GALNT13: variants seen among roughly 807,000 people sequenced by gnomAD.
The protein encoded by GALNT13 is UDP-GalNAc:polypeptide N-acetylgalactosaminyltransferase 13.
GALNT13 carries 28 observed loss-of-function variants against 64.2 expected under a neutral mutation model. The ratio of observed to expected loss-of-function variants is 0.44; its 90% CI spans 0.32 to 0.60. GALNT13 has a LOEUF of 0.60. Ranked by LOEUF, GALNT13 falls within the 20% of genes least tolerant of loss-of-function variation. The pLI is 0.05. For synonymous variants in GALNT13, 214 were observed against 224.6 expected, an observed-to-expected ratio of 0.95 and a Z score of 0.42; for missense variants, 577 against 669.8, an observed-to-expected ratio of 0.86 and a Z score of 1.53.
the GALNT13 span, among the ~76,000 whole-genome samples, chr2:153,483,711 C>T: frequency 5.6e-3 from 855 of 152,220 alleles, 35 homozygotes; most frequent in East Asian, 0.088. Context: ...CCACCACGCC[C>T]GGCCCTGCCC....
At chr2:154,162,260 T>G (rs1269298821) in intron 4 of GALNT13, among the ~76,000 whole-genome samples, 1 of 152,238 alleles carries the variant, frequency 6.6e-6, no homozygotes, top group African/African-American at 2.4e-5. Flanking sequence ...GGGAAATATC[T>G]GTTTAACTGT....
intron 3 of GALNT13, among the ~76,000 whole-genome samples, chr2:154,027,912 T>C (rs1698082184): frequency 6.6e-6 from 1 of 152,166 alleles, no homozygotes; most frequent in African/African-American, 2.4e-5. Flanking sequence ...TATTATTACA[T>C]ATTGCACATC....
chr2:153,451,864 C>T, the GALNT13 span, among the ~76,000 whole-genome samples: 5 of 152,170 alleles, frequency 3.3e-5, no homozygotes, highest in East Asian at 5.8e-4. Context: ...TTGGCAGGCT[C>T]ATGAAGCAGC....
intron 9 of GALNT13, among the ~76,000 whole-genome samples, chr2:154,359,501 C>G (rs570654798): frequency 1.6e-4 from 25 of 152,034 alleles, no homozygotes; most frequent in Non-Finnish European, 3.5e-4. Context: ...ATTGAAAGAT[C>G]ATGAAAATGT....
chr2:153,584,167 G>A, the GALNT13 span, among the ~76,000 whole-genome samples: 2 of 152,142 alleles, frequency 1.3e-5, no homozygotes, highest in East Asian at 3.9e-4. Context: ...AGACCTTAGT[G>A]CATCAGTGGT....
intron 4 of GALNT13, among the ~76,000 whole-genome samples, chr2:154,145,100 C>CTATCTATCTATCTATA (rs796615512): frequency 1.1e-3 from 137 of 119,514 alleles, no homozygotes; most frequent in Middle Eastern, 4.5e-3. Flanking sequence ...ATCTATCTAT[C>CTATCTATCTATCTATA]TATATATATA....
At chr2:153,869,619 T>G (rs553468381), upstream of GALNT13, among the ~76,000 whole-genome samples, 1 of 152,322 alleles carries the variant, frequency 6.6e-6, no homozygotes, top group African/African-American at 2.4e-5. Flanking sequence ...TGATATCACT[T>G]GGTCCCATTA....
chr2:153,449,267 C>G, the GALNT13 span, among the ~76,000 whole-genome samples: 4 of 152,094 alleles, frequency 2.6e-5, no homozygotes, highest in Admixed American at 6.5e-5. Context: ...GAAGCCCAAA[C>G]CGAATACCAG....
chr2:153,349,077 G>A, the GALNT13 span, among the ~76,000 whole-genome samples: 1 of 152,168 alleles, frequency 6.6e-6, no homozygotes, highest in African/African-American at 2.4e-5. Context: ...AAGCTCCTAT[G>A]TCTTAGATTC....
the GALNT13 span, among the ~76,000 whole-genome samples, chr2:153,277,923 C>CTTTTTTTTTTTTTTTTTTA: frequency 1.3e-5 from 1 of 78,954 alleles, no homozygotes; most frequent in Non-Finnish European, 2.3e-5. Flanking sequence ...GTTTTCTTTT[C>CTTTTTTTTTTTTTTTTTTA]TTTCTTTTTT....
the GALNT13 span, among the ~76,000 whole-genome samples, chr2:153,689,116 T>C: frequency 6.7e-6 from 1 of 149,390 alleles, no homozygotes; most frequent in African/African-American, 2.5e-5. Context: ...CGTTAGTAGA[T>C]ATTGCTAAAC....
At chr2:153,897,549 A>G (rs1325788859) in intron 1 of GALNT13, among the ~76,000 whole-genome samples, 2 of 151,944 alleles carry the variant, frequency 1.3e-5, no homozygotes, top group Non-Finnish European at 2.9e-5. Context: ...ACTAGTTACT[A>G]TTTTCCCCAT....
chr2:153,215,112 T>C, the GALNT13 span, among the ~76,000 whole-genome samples: 2 of 152,230 alleles, frequency 1.3e-5, no homozygotes, highest in African/African-American at 4.8e-5. Context: ...TATTTAAAGT[T>C]TATTTATTTG....
At chr2:154,171,339 T>C (rs1053980640) in intron 4 of GALNT13, among the ~76,000 whole-genome samples, 12 of 152,118 alleles carry the variant, frequency 7.9e-5, no homozygotes, top group Non-Finnish European at 1.5e-4. Flanking sequence ...TTCTACCTAC[T>C]CCACCAGAAA....
chr2:153,384,644 A>G, the GALNT13 span, among the ~76,000 whole-genome samples: 2 of 152,090 alleles, frequency 1.3e-5, no homozygotes, highest in Non-Finnish European at 2.9e-5. Flanking sequence ...TGATTTTCAG[A>G]AGCAAGTCTT....
the GALNT13 span, among the ~76,000 whole-genome samples, chr2:153,609,575 C>T: frequency 9.8e-3 from 1,486 of 152,146 alleles, 23 homozygotes; most frequent in Middle Eastern, 0.024. Flanking sequence ...TCCTTTTGTC[C>T]CCAAATCCTT....
chr2:153,625,371 C>CA, the GALNT13 span, among the ~76,000 whole-genome samples: 1 of 152,092 alleles, frequency 6.6e-6, no homozygotes, highest in Non-Finnish European at 1.5e-5. Context: ...TACAAACAAA[C>CA]ACTTCTTTGA....
the GALNT13 span, chr2:153,478,235 G>T: frequency 6.2e-7 from 1 of 1,609,132 alleles, no homozygotes; most frequent in Non-Finnish European, 8.5e-7. Context: ...CAGAGGGCGG[G>T]TCAGTAGGGC....
chr2:154,311,602 T>C (rs1023265622), intron 9 of GALNT13, among the ~76,000 whole-genome samples: 1 of 152,168 alleles, frequency 6.6e-6, no homozygotes, highest in Admixed American at 6.5e-5. Flanking sequence ...ACCATTGTCA[T>C]TGATAACATC....
Sources: allele counts gnomAD v4.1 joint callset (sites outside exome capture counted in the v4.1 genomes callset), GRCh38; gene constraint gnomAD v4.1.1; transcripts MANE v1.5; gene names NCBI Gene and HGNC (gene_info 2026-07-23, HGNC 2026-07-21).